The following GPRC6A variants were observed in gnomAD, a reference collection of about 807,000 sequenced individuals.
GPRC6A encodes G protein-coupled receptor class C group 6 member A.
Under a neutral mutation model 47.0 loss-of-function variants are expected in GPRC6A, and 54 were observed. That is an observed-to-expected ratio of 1.15 (90% CI 0.92 to 1.44). The LOEUF is 1.44. Ranked by LOEUF, GPRC6A falls within the 40% of genes most tolerant of loss-of-function variation. The pLI is 0.00. For missense variants in GPRC6A, 1,112 were observed against 1,105.5 expected (o/e 1.01, Z -0.08); for synonymous variants, 347 against 377.1 (o/e 0.92, Z 0.93).
chr6:116,804,086 C>A (rs890148703), intron 3 of GPRC6A, among the ~76,000 whole-genome samples: 19 of 152,058 alleles, frequency 1.2e-4, no homozygotes, highest in African/African-American at 4.6e-4. Flanking sequence ...ATTAGGCATT[C>A]TTTCTTTTCT....
chr6:116,808,355 T>TA (rs1246164421), intron 2 of GPRC6A, among the ~76,000 whole-genome samples: 3 of 152,136 alleles, frequency 2.0e-5, no homozygotes, highest in South Asian at 2.1e-4. Context: ...CAGTTGTTGT[T>TA]AAAAAAGTCT....
chr6:116,800,872 G>T, intron 3 of GPRC6A, 76 bp from the exon 4 acceptor site: 1 of 812,762 alleles, frequency 1.2e-6, no homozygotes, highest in East Asian at 2.6e-5. Flanking sequence ...TGATAACACT[G>T]CCTTATAAAG....
intron 3 of GPRC6A, among the ~76,000 whole-genome samples, chr6:116,803,681 C>T (rs1471279373): frequency 6.6e-6 from 1 of 152,108 alleles, no homozygotes; most frequent in Admixed American, 6.6e-5. Flanking sequence ...CAGTCATATG[C>T]CATGATTTCC....
At chr6:116,802,930 A>G (rs1322696066) in intron 3 of GPRC6A, among the ~76,000 whole-genome samples, 1 of 152,136 alleles carries the variant, frequency 6.6e-6, no homozygotes, top group African/African-American at 2.4e-5. Flanking sequence ...ATTAGTTACT[A>G]TTATCTTACC....
At chr6:116,794,528 C>G (rs1772415806) in intron 5 of GPRC6A, among the ~76,000 whole-genome samples, 1 of 152,130 alleles carries the variant, frequency 6.6e-6, no homozygotes, top group Admixed American at 6.6e-5. Context: ...AGCGACTTAC[C>G]CTGTTACCAA....
In GPRC6A at chr6:116,807,185, C is replaced by T; in HGVS notation, c.520G>A (p.Glu174Lys). The T allele has an allele frequency of 6.2e-7, 1 of 1,611,904 alleles. No homozygotes were observed. Among genetic ancestry groups the T allele is most frequent in the Non-Finnish European group, 8.5e-7 (1 of 1,178,634 alleles). The change falls in exon 3 of 6, where the codon GAA (glutamate) becomes AAA (lysine). Residue 174 changes from glutamate to lysine, a missense_variant. Physicochemically the swap from Glu to Lys is moderately conservative, Grantham distance 56 (BLOSUM62 1). Coordinates refer to ENST00000310357, the MANE Select transcript of GPRC6A (RefSeq NM_148963.4). ...AAGCGAATTTTGTCACTCAGGATTT[C>T]TGCAGTTGATTCATAACCCACCTGG... Reference protein sequence around the residue: ...MPQVGYESTAEILSDKIRFPS... With the variant: ...MPQVGYESTAKILSDKIRFPS...
chr6:116,809,409 TG>T lies in GPRC6A; in HGVS notation c.402del (p.Ser135AlafsTer10). On this transcript the variant is annotated frameshift_variant, in exon 2 of 6. Coordinates refer to ENST00000310357, the MANE Select transcript of GPRC6A (RefSeq NM_148963.4). LOFTEE classifies it high-confidence loss of function. ...RETVEFKCDYSSYMPRVKAVI... is the reference protein window; with the variant it reads ...RETVEFKCDYXSYMPRVKAVI... Reference sequence around the variant, plus strand: ...ACAGCCTTAACTCTTGGCATGTAGCTGGAATAGTCACACTTAAACTCCACAG... The same window carrying T: ...ACAGCCTTAACTCTTGGCATGTAGCTGAATAGTCACACTTAAACTCCACAG... 2 of 1,613,680 alleles carry T rather than the reference TG, an allele frequency of 1.2e-6. No individual in the cohort carries two copies. The highest frequency in any genetic ancestry group is 1.7e-6 in the Non-Finnish European group (2 of 1,179,702).
intron 1 of GPRC6A, among the ~76,000 whole-genome samples, chr6:116,826,556 A>T (rs567599219): frequency 6.6e-6 from 1 of 151,948 alleles, no homozygotes; most frequent in Non-Finnish European, 1.5e-5. Context: ...ACAAAAACAG[A>T]TGCTGGCAAG....
chr6:116,795,066 GT>G (rs1772434347), intron 5 of GPRC6A, among the ~76,000 whole-genome samples: 1 of 152,150 alleles, frequency 6.6e-6, no homozygotes, highest in African/African-American at 2.4e-5. Flanking sequence ...AGTGCTCATA[GT>G]TTCTTTTTAG....
Position 116,793,059 on chromosome 6 carries a change from G to A in GPRC6A, c.1864C>T (p.Pro622Ser), listed in dbSNP as rs748772260. Residue 622 changes from proline (P) to serine (S), a missense_variant, in exon 6 of 6, where the codon CCT becomes TCT. By Grantham distance (74) the Pro-to-Ser change is moderately conservative. Transcript: ENST00000310357. ...GIIFTRNLNTPVVKSSGGLRV... is the reference protein window; with the variant it reads ...GIIFTRNLNTSVVKSSGGLRV... ...AATCCCCCGGATGATTTCACAACAG[G>A]TGTGTTCAGGTTTCTTGTAAATATT... 1 of 1,613,808 alleles carries A rather than the reference G, an allele frequency of 6.2e-7. No homozygotes were observed. Among genetic ancestry groups the A allele is most frequent in the South Asian group, 1.1e-5 (1 of 91,054 alleles).
intron 1 of GPRC6A, among the ~76,000 whole-genome samples, chr6:116,820,881 A>G (rs961403133): frequency 2.0e-5 from 3 of 151,900 alleles, no homozygotes; most frequent in African/African-American, 7.3e-5. Flanking sequence ...GGAGAAGGAA[A>G]TAAAGGGTAT....
intron 5 of GPRC6A, 109 bp from the exon 6 acceptor site, chr6:116,793,359 A>G (rs774265711): frequency 4.2e-4 from 281 of 667,572 alleles, no homozygotes; most frequent in Non-Finnish European, 6.2e-4. Flanking sequence ...TAGAGAATAG[A>G]TATAGATGAT....
Position 116,807,027 on chromosome 6 carries a change from G to C in GPRC6A, c.678C>G (p.Asn226Lys). Reference sequence around the variant, plus strand: ...TTGCTTCAGCCTGAATTATAAAAGTGTTAAGAGCCAATCGTCCATAGTCAT... The same window carrying C: ...TTGCTTCAGCCTGAATTATAAAAGTCTTAAGAGCCAATCGTCCATAGTCAT... ...TDDDYGRLALNTFIIQAEANN... is the reference protein window; with the variant it reads ...TDDDYGRLALKTFIIQAEANN... Residue 226 changes from asparagine to lysine, a missense_variant, in exon 3 of 6, where the codon AAC becomes AAG. Asn to Lys is a moderately conservative substitution (Grantham distance 94). Transcript: ENST00000310357. 1 of 1,613,732 alleles carries C rather than the reference G, an allele frequency of 6.2e-7. No homozygotes were observed. The highest frequency in any genetic ancestry group is 8.5e-7 in the Non-Finnish European group (1 of 1,179,784).
At chr6:116,826,973 C>T (rs1376478792) in intron 1 of GPRC6A, among the ~76,000 whole-genome samples, 2 of 151,886 alleles carry the variant, frequency 1.3e-5, no homozygotes, top group African/African-American at 4.8e-5. Context: ...CATATGTTCT[C>T]ACTCATATGT....
chr6:116,810,421 G>C (rs1355901049), intron 1 of GPRC6A, among the ~76,000 whole-genome samples: 2 of 151,838 alleles, frequency 1.3e-5, no homozygotes, highest in East Asian at 3.9e-4. Flanking sequence ...CTCTACAAAT[G>C]CATCTCTTAC....
intron 1 of GPRC6A, among the ~76,000 whole-genome samples, chr6:116,823,220 T>C (rs192195133): frequency 3.3e-5 from 5 of 152,264 alleles, no homozygotes; most frequent in Admixed American, 3.3e-4. Flanking sequence ...CTCACACATA[T>C]GAGCTAGGCT....
chr6:116,814,762 G>GA (rs549153301), intron 1 of GPRC6A, among the ~76,000 whole-genome samples: 1,679 of 150,580 alleles, frequency 0.011, 27 homozygotes, highest in Admixed American at 0.04. Context: ...TTTAAAAAAA[G>GA]AAAAAAAAGA....
At position 116,793,210 on chromosome 6, in the gene GPRC6A, C is replaced by G; in HGVS notation, c.1713G>C (p.Trp571Cys). The change falls in exon 6 of 6, where the codon TGG (tryptophan) becomes TGC (cysteine). Residue 571 changes from tryptophan (W) to cysteine (C), a missense_variant. By Grantham distance (215) the Trp-to-Cys change is radical. Transcript: ENST00000310357. ...AGCACATAGTGCTCCTAACAGGGGC[C>G]CAGTGAGTTTTGTTGTTGCATAAAA... is the stretch of plus-strand genomic sequence containing the variant. Reference protein sequence around the residue: ...HCLLCNNKTHWAPVRSTMCFE... With the variant: ...HCLLCNNKTHCAPVRSTMCFE... 6.2e-7 allele frequency: 1 copy of G among 1,604,878 alleles called. No homozygotes were observed. Among genetic ancestry groups the G allele is most frequent in the Non-Finnish European group, 8.5e-7 (1 of 1,176,390 alleles).
At chr6:116,796,811 T>C (rs1313115400) in intron 4 of GPRC6A, among the ~76,000 whole-genome samples, 1 of 152,172 alleles carries the variant, frequency 6.6e-6, no homozygotes, top group Non-Finnish European at 1.5e-5. Flanking sequence ...GCCTTGGGAA[T>C]TCCCCAGGGC....
Sources: allele counts gnomAD v4.1 joint callset (sites outside exome capture counted in the v4.1 genomes callset), GRCh38; gene constraint gnomAD v4.1.1; transcripts MANE v1.5; gene names NCBI Gene and HGNC (gene_info 2026-07-23, HGNC 2026-07-21).